SYN3: variants seen among roughly 807,000 people sequenced by gnomAD.
The protein encoded by SYN3 is synapsin III, also known as synapsin-3.
Under a neutral mutation model 65.8 loss-of-function variants are expected in SYN3, and 35 were observed. That is an observed-to-expected ratio of 0.53 (90% CI 0.41 to 0.70). SYN3 has a LOEUF of 0.70. SYN3 is among the 30% of genes least tolerant of loss of function. The probability of loss-of-function intolerance (pLI) is 0.00; values close to 1 mark genes in which losing one functional copy is unlikely to be tolerated. For missense variants in SYN3, 680 were observed against 749.0 expected (o/e 0.91, Z 1.08); for synonymous variants, 270 against 292.9 (o/e 0.92, Z 0.80).
At chr22:32,662,166 T>C (rs1396187472) in intron 6 of SYN3, among the ~76,000 whole-genome samples, 1 of 152,196 alleles carries the variant, frequency 6.6e-6, no homozygotes, top group African/African-American at 2.4e-5. Context: ...TTTCCAGGTA[T>C]TCCCCCTATG....
At chr22:32,541,365 C>T (rs377741969) in intron 8 of SYN3, among the ~76,000 whole-genome samples, 1 of 152,220 alleles carries the variant, frequency 6.6e-6, no homozygotes, top group African/African-American at 2.4e-5. Context: ...GAGGAAACAG[C>T]CCTTGCTTGG....
intron 6 of SYN3, among the ~76,000 whole-genome samples, chr22:32,617,234 A>T (rs945296990): frequency 6.6e-6 from 1 of 152,216 alleles, no homozygotes; most frequent in Non-Finnish European, 1.5e-5. Context: ...TCAACAAAAA[A>T]AGAAGGACCC....
At chr22:32,755,662 C>A (rs776384728) in intron 6 of SYN3, among the ~76,000 whole-genome samples, 14 of 152,278 alleles carry the variant, frequency 9.2e-5, no homozygotes, top group Non-Finnish European at 1.5e-4. Flanking sequence ...ACTCTTCTGT[C>A]CTCCAAGGAT....
chr22:32,817,322 G>T (rs564601308), intron 6 of SYN3, among the ~76,000 whole-genome samples: 3 of 152,190 alleles, frequency 2.0e-5, no homozygotes, highest in Non-Finnish European at 4.4e-5. Context: ...CTGCTGCATG[G>T]TGACCTGTTT....
rs562926717 is a variant in SYN3, at chr22:33,003,992, G to A, written c.311+2360C>T. On this transcript the variant is annotated intron_variant, in intron 2 of 13. Transcript: ENST00000358763. The stretch of plus-strand genomic sequence containing the variant: ...GTACAGCTGAGGCTGTTGCTTCAGA[G>A]GGTGCAAGCCCCAAGCCTTGGCACC... Among the ~76,000 whole-genome samples, 13 of 152,358 alleles carry A rather than the reference G, an allele frequency of 8.5e-5. No individual in the cohort carries two copies. In the South Asian group the frequency reaches 2.7e-3, roughly 32 times the overall value.
intron 6 of SYN3, among the ~76,000 whole-genome samples, chr22:32,787,319 A>G (rs766451392): frequency 3.1e-4 from 47 of 152,294 alleles, no homozygotes; most frequent in Non-Finnish European, 5.6e-4. Context: ...AAGTGCTGGG[A>G]TTACAGGCGT....
intron 3 of SYN3, among the ~76,000 whole-genome samples, chr22:32,931,849 G>A (rs1453896014): frequency 6.6e-6 from 1 of 151,758 alleles, no homozygotes; most frequent in African/African-American, 2.4e-5. Flanking sequence ...ATTTTCTCTA[G>A]ATTTTCTCAC....
intron 6 of SYN3, among the ~76,000 whole-genome samples, chr22:32,733,562 C>T (rs972470563): frequency 3.3e-5 from 5 of 152,178 alleles, no homozygotes; most frequent in Admixed American, 6.5e-5. Flanking sequence ...ACATGGCCGG[C>T]GCCTGGCGGA....
chr22:33,053,508 T>C (rs557159245), intron 1 of SYN3, among the ~76,000 whole-genome samples: 1 of 152,316 alleles, frequency 6.6e-6, no homozygotes, highest in East Asian at 1.9e-4. Flanking sequence ...GCTACCCTTT[T>C]GAAGCTCCCG....
In SYN3 at chr22:32,585,921, T is replaced by TAC. The variant is rs368513515; in HGVS notation, c.774+10752_774+10753insGT. 1.2e-3 allele frequency among the ~76,000 whole-genome samples: 75 copies of TAC among 60,240 alleles called. No individual in the cohort carries two copies. In the East Asian group the frequency reaches 0.028, roughly 23 times the overall value. The allele number at this position is 60,240 out of a possible 152,430, so 39.5% of individuals were successfully genotyped here. A position where few individuals can be genotyped will look rare whatever the true frequency, so the allele number is the denominator to read the frequency against. The stretch of plus-strand genomic sequence containing the variant: ...GTATATATGTGTATGTATACATATA[T>TAC]GTGTATATACGTATATGTGTATGTA... On this transcript the variant is annotated intron_variant, in intron 7 of 13. Transcript: ENST00000358763.
intron 6 of SYN3, among the ~76,000 whole-genome samples, chr22:32,822,849 C>G (rs537599498): frequency 1.3e-3 from 205 of 152,030 alleles, no homozygotes; most frequent in African/African-American, 4.7e-3. Flanking sequence ...AGGTAGTTCT[C>G]TATTGATGCC....
intron 4 of SYN3, among the ~76,000 whole-genome samples, chr22:32,928,735 A>T (rs973237540): frequency 3.3e-5 from 5 of 152,074 alleles, no homozygotes; most frequent in African/African-American, 4.8e-5. Context: ...CATTTCTTCA[A>T]ATACTGTCTC....
At chr22:32,932,782 T>C (rs1035054546) in intron 3 of SYN3, among the ~76,000 whole-genome samples, 8 of 152,184 alleles carry the variant, frequency 5.3e-5, no homozygotes, top group African/African-American at 1.7e-4. Context: ...AAGGCTGCTG[T>C]AATAGGTGGC....
chr22:32,807,399 A>ATT (rs35759234), intron 6 of SYN3, among the ~76,000 whole-genome samples: 4 of 118,362 alleles, frequency 3.4e-5, no homozygotes, highest in South Asian at 2.3e-4. Flanking sequence ...TATATAATAT[A>ATT]TATATATTAT....
At chr22:32,710,099 A>ACGTG (rs1555931598) in intron 6 of SYN3, among the ~76,000 whole-genome samples, 54 of 65,634 alleles carry the variant, frequency 8.2e-4, no homozygotes, top group Admixed American at 3.0e-3. Flanking sequence ...ACACACACAC[A>ACGTG]TGTGTGTGTG....
chr22:32,680,499 T>C (rs1463377205), intron 6 of SYN3, among the ~76,000 whole-genome samples: 2 of 152,170 alleles, frequency 1.3e-5, no homozygotes, highest in Non-Finnish European at 2.9e-5. Context: ...CAAGACACCT[T>C]GTTGAATGGG....
Position 32,859,918 on chromosome 22 carries a change from T to C in SYN3, c.711+4997A>G, listed in dbSNP as rs886057437. On this transcript the variant is annotated intron_variant, in intron 6 of 13. Coordinates refer to ENST00000358763, the MANE Select transcript of SYN3 (RefSeq NM_003490.4). ...TTATACACCAGGAGCTGCCACTGCA[T>C]GTCCCAACCAGACTGTGTCTGTCTG... 31 of 164,612 alleles carry C rather than the reference T, an allele frequency of 1.9e-4. No homozygotes were observed. The highest frequency in any genetic ancestry group is 1.8e-4 in the East Asian group (1 of 5,524). 10.2% of individuals were successfully genotyped at this position (164,612 alleles called of 1,614,324 possible). A position where few individuals can be genotyped will look rare whatever the true frequency, so the allele number is the denominator to read the frequency against.
intron 1 of SYN3, among the ~76,000 whole-genome samples, chr22:33,042,633 GTCC>G (rs1268827511): frequency 6.6e-6 from 1 of 152,116 alleles, no homozygotes; most frequent in Non-Finnish European, 1.5e-5. Flanking sequence ...TTGACACTGG[GTCC>G]CACCTGCTCC....
chr22:32,668,362 C>A (rs2056783370), intron 6 of SYN3, among the ~76,000 whole-genome samples: 4 of 151,194 alleles, frequency 2.6e-5, no homozygotes, highest in Non-Finnish European at 5.9e-5. Context: ...ATTTCCACCC[C>A]CCCTTCCTTC....
Sources: allele counts gnomAD v4.1 joint callset (sites outside exome capture counted in the v4.1 genomes callset), GRCh38; gene constraint gnomAD v4.1.1; transcripts MANE v1.5; gene names NCBI Gene and HGNC (gene_info 2026-07-23, HGNC 2026-07-21).